GPC6: variants seen among roughly 807,000 people sequenced by gnomAD.
GPC6 encodes glypican 6.
GPC6 carries 14 observed loss-of-function variants against 55.2 expected under a neutral mutation model. The ratio of observed to expected loss-of-function variants is 0.25; its 90% CI spans 0.17 to 0.40. The LOEUF (loss-of-function observed/expected upper bound fraction) is 0.40. Among genes scored for constraint, GPC6 ranks in the 10% least tolerant of loss-of-function variants. GPC6 has a pLI of 1.00. For synonymous variants in GPC6, 278 were observed against 259.6 expected, an observed-to-expected ratio of 1.07 and a Z score of -0.68; for missense variants, 641 against 708.5, an observed-to-expected ratio of 0.90 and a Z score of 1.08.
At chr13:93,424,607 T>TATCATCATCATC (rs144005214) in intron 1 of GPC6, among the ~76,000 whole-genome samples, 195 of 151,646 alleles carry the variant, frequency 1.3e-3, no homozygotes, top group South Asian at 6.9e-3. Context: ...AAATACATGG[T>TATCATCATCATC]ATCATCATCA....
chr13:93,363,107 CTTTTTTTTTGT>C lies in GPC6; in HGVS notation c.160+135501_160+135511del, dbSNP rs1208744609. Among the ~76,000 whole-genome samples, 130 of 126,322 alleles carry C rather than the reference CTTTTTTTTTGT, an allele frequency of 1.0e-3. 1 individual carries two copies. The highest frequency in any genetic ancestry group is 3.7e-3 in the African/African-American group (122 of 32,768). 82.9% of individuals were successfully genotyped at this position (126,322 alleles called of 152,430 possible). A position where few individuals can be genotyped will look rare whatever the true frequency, so the allele number is the denominator to read the frequency against. On this transcript the variant is annotated intron_variant, in intron 1 of 8. Coordinates refer to ENST00000377047, the MANE Select transcript of GPC6 (RefSeq NM_005708.5). ...GGTTTTGTGTCTTTTTTTTTCTTTC[CTTTTTTTTTGT>C]TTTTTTTTTTGTTTTTTTTAAAATT...
chr13:94,140,496 C>A lies in GPC6; in HGVS notation c.877+112602C>A, dbSNP rs145223613. ...TCTTCCATGAATTGTGTTCTGGGAA[C>A]TGTTGGAAGCATTCACAAGCAATGG... On this transcript the variant is annotated intron_variant, in intron 4 of 8. Coordinates refer to ENST00000377047, the MANE Select transcript of GPC6 (RefSeq NM_005708.5). Among the ~76,000 whole-genome samples the A allele has an allele frequency of 2.0e-5, 3 of 152,268 alleles. No individual in the cohort carries two copies. In the East Asian group the frequency reaches 5.8e-4, roughly 29 times the overall value.
At chr13:93,556,000 T>G (rs1039546115) in intron 2 of GPC6, among the ~76,000 whole-genome samples, 1 of 152,196 alleles carries the variant, frequency 6.6e-6, no homozygotes, top group Non-Finnish European at 1.5e-5. Flanking sequence ...GGTCAGCCAG[T>G]AACAGGCCTC....
At chr13:93,636,192 C>A (rs1336771839) in intron 2 of GPC6, among the ~76,000 whole-genome samples, 1 of 152,022 alleles carries the variant, frequency 6.6e-6, no homozygotes, top group African/African-American at 2.4e-5. Flanking sequence ...TAACAACAAG[C>A]TAATATAAGA....
At chr13:93,492,320 T>G (rs9524096) in intron 1 of GPC6, among the ~76,000 whole-genome samples, 17,937 of 136,002 alleles carry the variant, frequency 0.13, 1,530 homozygotes, top group Non-Finnish European at 0.17. Flanking sequence ...TGGCTCTCTG[T>G]TTGTCTGTTG....
chr13:93,465,813 T>G (rs934560492), intron 1 of GPC6, among the ~76,000 whole-genome samples: 4 of 152,240 alleles, frequency 2.6e-5, no homozygotes, highest in African/African-American at 9.6e-5. Flanking sequence ...TCAATGTGCC[T>G]TAATCGCTAA....
chr13:93,462,755 C>A (rs974803690), intron 1 of GPC6, among the ~76,000 whole-genome samples: 7 of 151,860 alleles, frequency 4.6e-5, no homozygotes, highest in Non-Finnish European at 1.0e-4. Flanking sequence ...AATAAACTCT[C>A]CTGGGTTCAA....
Position 93,227,482 on chromosome 13 carries a change from T to C in GPC6, c.26T>C (p.Ile9Thr). The C allele has an allele frequency of 6.2e-7, 1 of 1,613,926 alleles. No individual in the cohort carries two copies. The highest frequency in any genetic ancestry group is 1.1e-5 in the South Asian group (1 of 91,074). ...ATGCCTTCTTGGATCGGGGCTGTGA[T>C]TCTTCCCCTCTTGGGGCTGCTGCTC... is the stretch of plus-strand genomic sequence containing the variant. Reference protein sequence around the residue: MPSWIGAVILPLLGLLLSL... With the variant: MPSWIGAVTLPLLGLLLSL... Residue 9 changes from isoleucine to threonine, a missense_variant, in exon 1 of 9, where the codon ATT becomes ACT. Physicochemically the swap from Ile to Thr is moderately conservative, Grantham distance 89. Coordinates refer to ENST00000377047, the MANE Select transcript of GPC6 (RefSeq NM_005708.5). The surrounding 1 kb of genome is among the most constrained non-coding windows in gnomAD (Gnocchi z 4.3).
At chr13:93,857,857 A>G (rs1888673262) in intron 3 of GPC6, among the ~76,000 whole-genome samples, 1 of 151,530 alleles carries the variant, frequency 6.6e-6, no homozygotes, top group Non-Finnish European at 1.5e-5. Flanking sequence ...CAAACTATGT[A>G]ATACAGACTA....
chr13:94,063,117 G>A (rs1435108980), intron 4 of GPC6, among the ~76,000 whole-genome samples: 3 of 152,158 alleles, frequency 2.0e-5, no homozygotes, highest in Non-Finnish European at 4.4e-5. Context: ...TACTTAGAAA[G>A]CATTAGATTT....
intron 4 of GPC6, among the ~76,000 whole-genome samples, chr13:94,147,964 A>G (rs1485196821): frequency 6.6e-6 from 1 of 152,218 alleles, no homozygotes; most frequent in African/African-American, 2.4e-5. Context: ...ACTCTGTGGC[A>G]GGGATTCTGC....
At chr13:93,905,102 G>T (rs114883470) in intron 3 of GPC6, among the ~76,000 whole-genome samples, 2 of 147,908 alleles carry the variant, frequency 1.4e-5, no homozygotes, top group African/African-American at 5.0e-5. Context: ...TTGAAAGGGG[G>T]TGCTTTCCAG....
rs189790884 is a variant in GPC6, at chr13:94,103,366, T to A, written c.877+75472T>A. Among the ~76,000 whole-genome samples the A allele has an allele frequency of 9.8e-5, 15 of 152,336 alleles. No homozygotes were observed. In the East Asian group the frequency reaches 2.9e-3, roughly 29 times the overall value. Reference sequence around the variant, plus strand: ...ACAAATACATGTGCACGTGTCTTTATAGCACCATGATTTATAATCCTTTGG... The same window carrying A: ...ACAAATACATGTGCACGTGTCTTTAAAGCACCATGATTTATAATCCTTTGG... On this transcript the variant is annotated intron_variant, in intron 4 of 8. Coordinates refer to ENST00000377047, the MANE Select transcript of GPC6 (RefSeq NM_005708.5).
At chr13:93,692,739 T>G (rs373035237) in intron 2 of GPC6, among the ~76,000 whole-genome samples, 1 of 152,112 alleles carries the variant, frequency 6.6e-6, no homozygotes, top group African/African-American at 2.4e-5. Context: ...ATTTGAAAAT[T>G]TGTATTTAAT....
intron 1 of GPC6, among the ~76,000 whole-genome samples, chr13:93,452,323 C>T (rs10508004): frequency 0.22 from 32,796 of 152,072 alleles, 3,663 homozygotes; most frequent in Middle Eastern, 0.29. Context: ...TTCACTTGTT[C>T]AGTTTGCTTA....
intron 4 of GPC6, among the ~76,000 whole-genome samples, chr13:94,236,204 A>T (rs550526261): frequency 6.6e-6 from 1 of 152,282 alleles, no homozygotes; most frequent in East Asian, 1.9e-4. Context: ...GAATCCTCTG[A>T]GTCCCCCTAT....
chr13:93,806,864 C>G (rs753375678), intron 2 of GPC6, among the ~76,000 whole-genome samples: 1 of 152,180 alleles, frequency 6.6e-6, no homozygotes, highest in Non-Finnish European at 1.5e-5. Flanking sequence ...ATGTTATACT[C>G]ATCCTGTCTG....
intron 2 of GPC6, among the ~76,000 whole-genome samples, chr13:93,749,484 T>C (rs535135534): frequency 2.7e-4 from 41 of 152,148 alleles, no homozygotes; most frequent in African/African-American, 9.6e-4. Context: ...ACTGAGTACT[T>C]TTCCTAGGAT....
chr13:94,226,971 C>T (rs872098), intron 4 of GPC6, among the ~76,000 whole-genome samples: 74,862 of 151,904 alleles, frequency 0.49, 18,524 homozygotes, highest in African/African-American at 0.52. Flanking sequence ...GCTTTACAAG[C>T]CACTGATTGT....
Sources: gnomAD v4.1 joint callset for allele counts (sites outside exome capture counted in the v4.1 genomes callset) on GRCh38, gnomAD v4.1.1 for gene constraint, Gnocchi (gnomAD v3.1) non-coding constraint, MANE v1.5 for transcripts, NCBI Gene and HGNC (gene_info 2026-07-23, HGNC 2026-07-21) for gene names.